ENPP6: variants seen among roughly 807,000 people sequenced by gnomAD.
ENPP6 encodes ectonucleotide pyrophosphatase/phosphodiesterase 6.
Under a neutral mutation model 42.0 loss-of-function variants are expected in ENPP6, and 32 were observed. The observed-to-expected ratio is 0.76, with a 90% CI of 0.58 to 1.02. ENPP6 has a LOEUF of 1.02. Ranked by LOEUF, ENPP6 falls within the 50% of genes least tolerant of loss-of-function variation. The pLI, the probability that ENPP6 is intolerant of heterozygous loss-of-function variation, is 0.00. For missense variants in ENPP6, 552 were observed against 566.8 expected, an observed-to-expected ratio of 0.97 and a Z score of 0.27; for synonymous variants, 213 against 216.0, an observed-to-expected ratio of 0.99 and a Z score of 0.12.
chr4:184,201,209 C>T (rs1351287734), intron 1 of ENPP6, among the ~76,000 whole-genome samples: 5 of 152,174 alleles, frequency 3.3e-5, no homozygotes, highest in Non-Finnish European at 5.9e-5. Flanking sequence ...GAAACTCGAG[C>T]AGGTGTTGCT....
At chr4:184,152,642 T>C (rs879574795) in intron 2 of ENPP6, among the ~76,000 whole-genome samples, 1 of 152,280 alleles carries the variant, frequency 6.6e-6, no homozygotes, top group East Asian at 1.9e-4. Flanking sequence ...ACCTAAATAA[T>C]GAATCCCACC....
At chr4:184,102,961 C>T (rs1394580590) in intron 6 of ENPP6, among the ~76,000 whole-genome samples, 3 of 152,264 alleles carry the variant, frequency 2.0e-5, no homozygotes, top group African/African-American at 4.8e-5. Context: ...TGGCATCTGC[C>T]ATGGGCCATG....
chr4:184,171,787 A>ATTT (rs34370676), intron 1 of ENPP6, among the ~76,000 whole-genome samples: 9 of 147,634 alleles, frequency 6.1e-5, no homozygotes, highest in Admixed American at 6.0e-4. Flanking sequence ...AAACACATTG[A>ATTT]TTTTTTTTTT....
intron 2 of ENPP6, among the ~76,000 whole-genome samples, chr4:184,143,311 A>G (rs1736853291): frequency 6.6e-6 from 1 of 152,052 alleles, no homozygotes; most frequent in African/African-American, 2.4e-5. Context: ...CCTCATGTCT[A>G]CTGGAGTCTC....
At chr4:184,183,506 C>A (rs1178597256) in intron 1 of ENPP6, among the ~76,000 whole-genome samples, 5 of 148,546 alleles carry the variant, frequency 3.4e-5, no homozygotes, top group Non-Finnish European at 7.4e-5. Context: ...TGTATACACA[C>A]ACACACACAC....
At chr4:184,164,915 A>T (rs1737324787) in intron 1 of ENPP6, among the ~76,000 whole-genome samples, 2 of 152,144 alleles carry the variant, frequency 1.3e-5, no homozygotes, top group African/African-American at 4.8e-5. Context: ...CAATCTACTA[A>T]CACTTGTGCA....
intron 3 of ENPP6, among the ~76,000 whole-genome samples, chr4:184,121,954 G>C (rs762360681): frequency 6.6e-6 from 1 of 152,140 alleles, no homozygotes. Flanking sequence ...GTGTCTTCAG[G>C]GGAGGCCCAA....
chr4:184,105,188 A>G (rs1350428625), intron 6 of ENPP6, among the ~76,000 whole-genome samples: 1 of 152,200 alleles, frequency 6.6e-6, no homozygotes, highest in African/African-American at 2.4e-5. Flanking sequence ...GTCTATGCAA[A>G]TCATCCATGT....
Position 184,201,177 on chromosome 4 carries a change from C to T in ENPP6, c.241+16402G>A, listed in dbSNP as rs74715260. 5.3e-3 allele frequency among the ~76,000 whole-genome samples: 809 copies of T among 152,252 alleles called. 13 individuals carry two copies. The highest frequency in any genetic ancestry group is 0.018 in the African/African-American group (756 of 41,538). ...CTGGTTATCGTGTGGACACAATGGA[C>T]CTATTCATGGAGAGGGGCTCTGAAA... is the stretch of plus-strand genomic sequence containing the variant. On this transcript the variant is annotated intron_variant, in intron 1 of 7. Transcript: ENST00000296741.
intron 1 of ENPP6, among the ~76,000 whole-genome samples, chr4:184,183,526 C>A (rs1407853338): frequency 6.6e-6 from 1 of 152,168 alleles, no homozygotes; most frequent in African/African-American, 2.4e-5. Context: ...CACATTCACA[C>A]ACACACACAA....
At position 184,124,244 on chromosome 4, in the gene ENPP6, T is replaced by C; in HGVS notation, c.450A>G (p.Arg150=). ...PGCEVEILGV[R]PTYCLEYKNV... is the part of the protein sequence containing the mutation. The stretch of plus-strand genomic sequence containing the variant: ...TTTTATATTCTAGGCAGTAGGTGGG[T>C]CTGACACCCAGAATCTCAACCTCAC... The change falls in exon 3 of 8, where the codon AGA becomes AGG. Residue 150 remains arginine (R), a synonymous_variant. Coordinates refer to ENST00000296741, the MANE Select transcript of ENPP6 (RefSeq NM_153343.4). 1 of 1,614,010 alleles carries C rather than the reference T, an allele frequency of 6.2e-7. No homozygotes were observed. The highest frequency in any genetic ancestry group is 2.2e-5 in the East Asian group (1 of 44,872).
At chr4:184,186,747 C>T (rs1252656544) in intron 1 of ENPP6, among the ~76,000 whole-genome samples, 1 of 151,926 alleles carries the variant, frequency 6.6e-6, no homozygotes, top group African/African-American at 2.4e-5. Context: ...AGTGGAATCC[C>T]AGTTCATGCA....
intron 7 of ENPP6, among the ~76,000 whole-genome samples, chr4:184,094,440 A>G (rs1436228432): frequency 1.3e-5 from 2 of 152,270 alleles, no homozygotes; most frequent in Non-Finnish European, 2.9e-5. Context: ...TTTCTTTCCC[A>G]TCCCACCTAG....
At chr4:184,178,640 C>T (rs752563900) in intron 1 of ENPP6, among the ~76,000 whole-genome samples, 107 of 152,284 alleles carry the variant, frequency 7.0e-4, no homozygotes, top group Admixed American at 3.9e-3. Flanking sequence ...GTCCAGGTCA[C>T]CTACAAAGGG....
intron 6 of ENPP6, among the ~76,000 whole-genome samples, chr4:184,107,873 C>T (rs1335980299): frequency 6.6e-6 from 1 of 151,146 alleles, no homozygotes; most frequent in Non-Finnish European, 1.5e-5. Context: ...CGAGATCCCG[C>T]CATTACCCTC....
chr4:184,131,201 C>CTTTCTTTCTTTCTT lies in ENPP6; in HGVS notation c.422-6930_422-6929insAAGAAAGAAAGAAA, dbSNP rs376993212. On this transcript the variant is annotated intron_variant, in intron 2 of 7. Transcript: ENST00000296741. Reference sequence around the variant, plus strand: ...TCTTTCTTTCTTTCTTTCTTTCTTTCTTCTTTCTTTCTTTCTTTTTCTTTC... The same window carrying CTTTCTTTCTTTCTT: ...TCTTTCTTTCTTTCTTTCTTTCTTTCTTTCTTTCTTTCTTTTCTTTCTTTCTTTCTTTTTCTTTC... 6.6e-4 allele frequency among the ~76,000 whole-genome samples: 47 copies of CTTTCTTTCTTTCTT among 70,680 alleles called. 2 individuals carry two copies. The highest frequency in any genetic ancestry group is 2.6e-3 in the African/African-American group (45 of 17,316). The allele number at this position is 70,680 out of a possible 152,430, so 46.4% of individuals were successfully genotyped here.
chr4:184,205,344 G>A (rs1262636961), intron 1 of ENPP6, among the ~76,000 whole-genome samples: 11 of 152,228 alleles, frequency 7.2e-5, no homozygotes, highest in Non-Finnish European at 1.5e-4. Context: ...TGGGGAAGAC[G>A]CATCCGCCAC....
chr4:184,117,467 A>T (rs185024560), intron 4 of ENPP6, among the ~76,000 whole-genome samples: 1 of 152,372 alleles, frequency 6.6e-6, no homozygotes, highest in East Asian at 1.9e-4. Flanking sequence ...ACCTGTCTAC[A>T]TGTCAAGCTG....
chr4:184,113,063 C>G (rs1579614728), intron 5 of ENPP6, among the ~76,000 whole-genome samples: 2 of 152,222 alleles, frequency 1.3e-5, no homozygotes, highest in African/African-American at 4.8e-5. Flanking sequence ...TGAAATCCCT[C>G]AAGCCTGTGC....
Sources: gnomAD v4.1 joint callset for allele counts (sites outside exome capture counted in the v4.1 genomes callset) on GRCh38, gnomAD v4.1.1 for gene constraint, MANE v1.5 for transcripts, NCBI Gene and HGNC (gene_info 2026-07-23, HGNC 2026-07-21) for gene names.